The following HM13 variants were observed in gnomAD, a reference collection of about 807,000 sequenced individuals.
HM13 encodes the protein signal peptide peptidase.
HM13 carries 18 observed loss-of-function variants against 50.0 expected under a neutral mutation model. The ratio of observed to expected loss-of-function variants is 0.36; its 90% CI spans 0.25 to 0.53. The LOEUF (loss-of-function observed/expected upper bound fraction) is 0.53, where lower values mean the gene tolerates loss of function less well. Among genes scored for constraint, HM13 ranks in the 20% least tolerant of loss-of-function variants. HM13 has a pLI of 0.90. For synonymous variants in HM13, 197 were observed against 232.6 expected, an observed-to-expected ratio of 0.85 and a Z score of 1.39; for missense variants, 393 against 552.4, an observed-to-expected ratio of 0.71 and a Z score of 2.89.
In HM13 at chr20:31,523,196, G is replaced by A. The variant is rs563139477; in HGVS notation, c.184-4288G>A. Among the ~76,000 whole-genome samples the A allele has an allele frequency of 5.3e-5, 8 of 151,362 alleles. 1 individual carries two copies. The highest frequency in any genetic ancestry group is 4.2e-4 in the South Asian group (2 of 4,798). On this transcript the variant is annotated intron_variant, in intron 1 of 12. Coordinates refer to ENST00000398174, the MANE Select transcript of HM13 (RefSeq NM_178581.3). ...CTCCTGAGTAGCTGGGACCATAGGCGCACAATATCACACCCGGCTAATTTT... is the reference window on the plus strand; with the variant it reads ...CTCCTGAGTAGCTGGGACCATAGGCACACAATATCACACCCGGCTAATTTT...
At chr20:31,563,754 C>T (rs1984745791) in intron 10 of HM13, among the ~76,000 whole-genome samples, 2 of 152,160 alleles carry the variant, frequency 1.3e-5, no homozygotes, top group Admixed American at 1.3e-4. Context: ...CTTCTTTGTT[C>T]TCTGGCCAAG....
chr20:31,566,225 C>T lies in HM13; in HGVS notation c.964C>T (p.Leu322=). ...CCTCTCATAGCCTGCCCTCCTATACCTGGTCCCCGCCTGCATCGGTTTTCC... is the reference window on the plus strand; with the variant it reads ...CCTCTCATAGCCTGCCCTCCTATACTTGGTCCCCGCCTGCATCGGTTTTCC... The part of the protein sequence containing the change: ...FKHAQPALLY[L]VPACIGFPVL... Residue 322 remains leucine, a synonymous_variant, in exon 11 of 13, where the codon CTG becomes TTG. Coordinates refer to ENST00000398174, the MANE Select transcript of HM13 (RefSeq NM_178581.3). 2 of 1,613,986 alleles carry T rather than the reference C, an allele frequency of 1.2e-6. No individual in the cohort carries two copies. Among genetic ancestry groups the T allele is most frequent in the Admixed American group, 1.7e-5 (1 of 60,008 alleles).
At chr20:31,553,134 A>G (rs964896871) in intron 7 of HM13, among the ~76,000 whole-genome samples, 5 of 152,078 alleles carry the variant, frequency 3.3e-5, no homozygotes, top group African/African-American at 1.2e-4. Flanking sequence ...TGTCTCTACT[A>G]AAAATACAAA....
Position 31,568,234 on chromosome 20 carries a change from A to T in HM13, c.1181+10A>T. The T allele has an allele frequency of 1.2e-6, 2 of 1,611,214 alleles. No homozygotes were observed. ...AGAATCCCAGCGCCATGTAATGCCC[A>T]GCGGGTGCCCACCTGCCCGCTTCCC... On this transcript the variant is annotated intron_variant, in intron 12 of 12. Transcript: ENST00000398174.
At chr20:31,521,138 A>G (rs1982135763) in intron 1 of HM13, among the ~76,000 whole-genome samples, 1 of 152,240 alleles carries the variant, frequency 6.6e-6, no homozygotes, top group Non-Finnish European at 1.5e-5. Flanking sequence ...AAAGAATCCT[A>G]GCAACTTTTT....
At chr20:31,556,369 A>G (rs1030165161) in intron 8 of HM13, among the ~76,000 whole-genome samples, 1 of 152,106 alleles carries the variant, frequency 6.6e-6, no homozygotes, top group Non-Finnish European at 1.5e-5. Flanking sequence ...AAAGAAGAGG[A>G]ATTATTTTAA....
At position 31,568,059 on chromosome 20, in the gene HM13, TTCTC is replaced by T. The variant is rs763052838; in HGVS notation, c.1035-10_1035-7del. ...CTATCCATCTCTTTTTTTCTGTCTC[TTCTC>T]TCTCTCTCACACAGCTACGAGTCCT... On this transcript the variant is annotated splice_polypyrimidine_tract_variant and intron_variant, in intron 11 of 12. Coordinates refer to ENST00000398174, the MANE Select transcript of HM13 (RefSeq NM_178581.3). The T allele has an allele frequency of 3.8e-6, 6 of 1,576,312 alleles. No individual in the cohort carries two copies. The highest frequency in any genetic ancestry group is 2.3e-5 in the South Asian group (2 of 86,682).
intron 8 of HM13, among the ~76,000 whole-genome samples, chr20:31,558,375 C>T (rs920461812): frequency 6.6e-6 from 1 of 152,112 alleles, no homozygotes; most frequent in African/African-American, 2.4e-5. Flanking sequence ...AGAACTCCTC[C>T]AGTGCGTCTC....
At chr20:31,520,564 A>G (rs185716320) in intron 1 of HM13, among the ~76,000 whole-genome samples, 5 of 152,268 alleles carry the variant, frequency 3.3e-5, no homozygotes, top group African/African-American at 2.4e-5. Context: ...TCGGCCTCCC[A>G]TAGTGCTGGG....
At chr20:31,533,209 T>C (rs1982914765) in intron 2 of HM13, among the ~76,000 whole-genome samples, 1 of 152,170 alleles carries the variant, frequency 6.6e-6, no homozygotes, top group African/African-American at 2.4e-5. Context: ...TTGAACATTT[T>C]TAAAACTTCA....
chr20:31,548,598 C>T, intron 4 of HM13: 1 of 238,548 alleles, frequency 4.2e-6, no homozygotes, highest in Non-Finnish European at 8.3e-6. Context: ...AGGCACTGTG[C>T]TGAATGCATT....
chr20:31,547,489 G>C, intron 4 of HM13: 1 of 650,878 alleles, frequency 1.5e-6, no homozygotes, highest in Non-Finnish European at 2.7e-6. Flanking sequence ...GTTGTCGCCC[G>C]CTTCACCCTG....
At chr20:31,522,142 G>A (rs1011558015) in intron 1 of HM13, among the ~76,000 whole-genome samples, 3 of 152,168 alleles carry the variant, frequency 2.0e-5, no homozygotes, top group Non-Finnish European at 4.4e-5. Context: ...AAAGGAATAT[G>A]TGGAAATGAG....
At chr20:31,521,002 T>A (rs1008185299) in intron 1 of HM13, among the ~76,000 whole-genome samples, 9 of 152,270 alleles carry the variant, frequency 5.9e-5, no homozygotes, top group African/African-American at 2.2e-4. Flanking sequence ...AGAATGTCAC[T>A]GGAAGCTACA....
intron 1 of HM13, 82 bp from the exon 2 acceptor site, chr20:31,527,402 C>A: frequency 2.1e-6 from 2 of 959,812 alleles, no homozygotes; most frequent in South Asian, 1.5e-5. Flanking sequence ...CATCCCTAGC[C>A]AAGGGAATAG....
rs1326356947 is a variant in HM13 at position 31,514,852 on chromosome 20, C to T, written c.183+118C>T. ...GACACTGACTCTTCCCAGCCCTGAT[C>T]ACCACCGTTCCCTCTGTCTCGGGCC... On this transcript the variant is annotated intron_variant, in intron 1 of 12. Coordinates refer to ENST00000398174, the MANE Select transcript of HM13 (RefSeq NM_178581.3). The surrounding 1 kb of genome is among the most constrained non-coding windows in gnomAD (Gnocchi z 4.3). 5 of 1,015,266 alleles carry T rather than the reference C, an allele frequency of 4.9e-6. No homozygotes were observed. The highest frequency in any genetic ancestry group is 6.9e-6 in the Non-Finnish European group (5 of 729,768). The allele number at this position is 1,015,266 out of a possible 1,614,324, so 62.9% of individuals were successfully genotyped here.
chr20:31,544,349 G>A (rs1758610231), intron 3 of HM13, among the ~76,000 whole-genome samples: 1 of 152,248 alleles, frequency 6.6e-6, no homozygotes, highest in South Asian at 2.1e-4. Flanking sequence ...TTCTAGAGAC[G>A]AGGCCAAGCT....
At chr20:31,548,660 T>G in intron 4 of HM13, 1 of 301,170 alleles carries the variant, frequency 3.3e-6, no homozygotes. Context: ...AGGGGTGCTG[T>G]TATCCCCTTT....
At chr20:31,566,322 C>T (rs779386463) in intron 11 of HM13, 27 bp downstream of exon 11, 3 of 1,573,600 alleles carry the variant, frequency 1.9e-6, no homozygotes, top group African/African-American at 1.4e-5. Context: ...GGCAGATGTC[C>T]TCATGGGCAC....
Sources: gnomAD v4.1 joint callset for allele counts (sites outside exome capture counted in the v4.1 genomes callset) on GRCh38, gnomAD v4.1.1 for gene constraint, Gnocchi (gnomAD v3.1) non-coding constraint, MANE v1.5 for transcripts, NCBI Gene and HGNC (gene_info 2026-07-23, HGNC 2026-07-21) for gene names.